CARF: variants seen among roughly 807,000 people sequenced by gnomAD.
CARF encodes the protein calcium-responsive transcription factor.
CARF carries 57 observed loss-of-function variants against 82.0 expected under a neutral mutation model. The ratio of observed to expected loss-of-function variants is 0.70; its 90% confidence interval spans 0.56 to 0.87. The LOEUF is 0.87. CARF is among the 40% of genes least tolerant of loss of function. The pLI, the probability that CARF is intolerant of heterozygous loss-of-function variation, is 0.00. For missense variants in CARF, 771 were observed against 855.8 expected (o/e 0.90, Z 1.24); for synonymous variants, 268 against 290.1 (o/e 0.92, Z 0.77).
chr2:202,955,445 A>C (rs2058990918), intron 7 of CARF, among the ~76,000 whole-genome samples: 3 of 152,248 alleles, frequency 2.0e-5, no homozygotes, highest in African/African-American at 7.2e-5. Flanking sequence ...TGTTGGGACT[A>C]CGTGTATCTG....
chr2:202,963,536 G>T (rs1473435557), intron 9 of CARF, among the ~76,000 whole-genome samples: 1 of 152,188 alleles, frequency 6.6e-6, no homozygotes, highest in Non-Finnish European at 1.5e-5. Flanking sequence ...GGACCAGGAT[G>T]GGGGATGGGG....
intron 3 of CARF, among the ~76,000 whole-genome samples, chr2:202,932,066 T>C (rs773212177): frequency 6.6e-6 from 1 of 152,046 alleles, no homozygotes; most frequent in Non-Finnish European, 1.5e-5. Flanking sequence ...AACCAGCATT[T>C]CACATGGCAG....
Position 202,952,542 on chromosome 2 carries a change from T to TC in CARF, c.307-17_307-16insC. On this transcript the variant is annotated splice_polypyrimidine_tract_variant and intron_variant, in intron 5 of 16. Coordinates refer to ENST00000438828, the MANE Select transcript of CARF (RefSeq NM_024744.17). Reference sequence around the variant, plus strand: ...CTAGGCATATGCATTTGATTTTTTTTTTTTAATGCTTCCAAGATGATCGTT... The same window carrying TC: ...CTAGGCATATGCATTTGATTTTTTTTCTTTTAATGCTTCCAAGATGATCGTT... 6.2e-7 allele frequency: 1 copy of TC among 1,610,976 alleles called. No individual in the cohort carries two copies. The highest frequency in any genetic ancestry group is 8.5e-7 in the Non-Finnish European group (1 of 1,179,024).
At chr2:202,971,412 A>C (rs1204982273) in intron 11 of CARF, 93 bp from the exon 12 acceptor site, 2 of 675,262 alleles carry the variant, frequency 3.0e-6, no homozygotes, top group Non-Finnish European at 4.8e-6. Context: ...TATGAGTATT[A>C]ACCTAAGTAA....
chr2:202,982,334 T>C lies in CARF; in HGVS notation c.1952T>C (p.Val651Ala), dbSNP rs1198336970. 8.7e-6 allele frequency: 14 copies of C among 1,613,996 alleles called. No individual in the cohort carries two copies. Among genetic ancestry groups the C allele is most frequent in the Non-Finnish European group, 1.2e-5 (14 of 1,180,000 alleles). Reference sequence around the variant, plus strand: ...GTTGCAATGGACGAGCTGGTAGAAGTTGGAGATGTTGAGGATACAGGGAAT... The same window carrying C: ...GTTGCAATGGACGAGCTGGTAGAAGCTGGAGATGTTGAGGATACAGGGAAT... ...NLVAMDELVE[V>A]GDVEDTGNLE... The change falls in exon 16 of 17, where the codon GTT becomes GCT. Residue 651 changes from valine (V) to alanine (A), a missense_variant. Coordinates refer to ENST00000438828, the MANE Select transcript of CARF (RefSeq NM_024744.17).
At position 202,966,961 on chromosome 2, in the gene CARF, T is replaced by A. The variant is rs749178820; in HGVS notation, c.833-17T>A. The stretch of plus-strand genomic sequence containing the variant: ...TGGACACTTGAATTAATATCAATAG[T>A]TGGTTTTGGCCCACAGGGAGTAGAG... On this transcript the variant is annotated splice_polypyrimidine_tract_variant and intron_variant, in intron 9 of 16. Coordinates refer to ENST00000438828, the MANE Select transcript of CARF (RefSeq NM_024744.17). 6.6e-5 allele frequency: 106 copies of A among 1,610,472 alleles called. No individual in the cohort carries two copies. Among genetic ancestry groups the A allele is most frequent in the Non-Finnish European group, 8.6e-5 (101 of 1,178,898 alleles).
intron 3 of CARF, among the ~76,000 whole-genome samples, chr2:202,928,681 C>T (rs1574508379): frequency 6.6e-6 from 1 of 152,156 alleles, no homozygotes; most frequent in African/African-American, 2.4e-5. Context: ...GATGATAGCT[C>T]ATTGTGATTT....
chr2:202,924,099 C>T (rs1387700228), intron 2 of CARF, among the ~76,000 whole-genome samples, 198 bp from the exon 3 acceptor site: 2 of 152,168 alleles, frequency 1.3e-5, no homozygotes, highest in East Asian at 1.9e-4. Context: ...GAAGTTGTAT[C>T]GTCAAACATC....
intron 9 of CARF, among the ~76,000 whole-genome samples, chr2:202,965,921 A>G (rs555095685): frequency 7.3e-4 from 111 of 152,280 alleles, no homozygotes; most frequent in African/African-American, 2.6e-3. Context: ...TGAGTCAGGA[A>G]TCCAAGAGTG....
intron 9 of CARF, among the ~76,000 whole-genome samples, chr2:202,964,343 G>A (rs1410508147): frequency 6.6e-6 from 1 of 152,052 alleles, no homozygotes; most frequent in Non-Finnish European, 1.5e-5. Flanking sequence ...ACAGTGGTGT[G>A]ATCTCAGCTC....
At chr2:202,936,714 T>G (rs1015877857) in intron 3 of CARF, among the ~76,000 whole-genome samples, 3 of 152,236 alleles carry the variant, frequency 2.0e-5, no homozygotes, top group Admixed American at 2.0e-4. Context: ...CAGACCCTTA[T>G]CAGATACATG....
At chr2:202,951,979 C>T (rs936416243) in intron 5 of CARF, among the ~76,000 whole-genome samples, 2 of 152,060 alleles carry the variant, frequency 1.3e-5, no homozygotes, top group South Asian at 2.1e-4. Context: ...ATTACAGGCG[C>T]GTGCCACCAT....
chr2:202,977,170 T>C (rs2060068404), intron 13 of CARF, 99 bp from the exon 14 acceptor site: 1 of 864,746 alleles, frequency 1.2e-6, no homozygotes, highest in African/African-American at 1.7e-5. Context: ...GCAGAATAAA[T>C]CACATACTGT....
chr2:202,981,551 T>A lies in CARF; in HGVS notation c.1559-4T>A. The A allele has an allele frequency of 6.4e-7, 1 of 1,574,274 alleles. No individual in the cohort carries two copies. Among genetic ancestry groups the A allele is most frequent in the East Asian group, 2.3e-5 (1 of 44,200 alleles). On this transcript the variant is annotated splice_region_variant and splice_polypyrimidine_tract_variant and intron_variant, in intron 14 of 16. Transcript: ENST00000438828. ...ATTTTAATAGTTTCTTTAATATAAT[T>A]TAGGAAATTCACCAGGAGAATCAAT...
Position 202,952,550 on chromosome 2 carries a change from G to A in CARF, c.307-9G>A. On this transcript the variant is annotated splice_polypyrimidine_tract_variant and intron_variant, in intron 5 of 16. Transcript: ENST00000438828. The stretch of plus-strand genomic sequence containing the variant: ...ATGCATTTGATTTTTTTTTTTTAAT[G>A]CTTCCAAGATGATCGTTGCCAGCCC... 6.3e-7 allele frequency: 1 copy of A among 1,592,454 alleles called. No homozygotes were observed. The highest frequency in any genetic ancestry group is 8.5e-7 in the Non-Finnish European group (1 of 1,172,146).
intron 9 of CARF, 160 bp downstream of exon 9, chr2:202,961,586 TAATC>T: frequency 1.6e-6 from 1 of 619,750 alleles, no homozygotes; most frequent in Non-Finnish European, 2.8e-6. Flanking sequence ...ATAGAAAATA[TAATC>T]AATTACTTTA....
chr2:202,915,859 T>G (rs1689538081), intron 1 of CARF, among the ~76,000 whole-genome samples: 3 of 149,912 alleles, frequency 2.0e-5, no homozygotes, highest in African/African-American at 7.4e-5. Flanking sequence ...CCGCCCACTT[T>G]AGACTCCCAA....
intron 5 of CARF, among the ~76,000 whole-genome samples, chr2:202,951,918 T>G (rs531415468): frequency 6.6e-6 from 1 of 151,830 alleles, no homozygotes. Context: ...CTGCAACCTC[T>G]GCCTCCCAGA....
chr2:202,945,006 C>T (rs1463096004), intron 5 of CARF, among the ~76,000 whole-genome samples: 1 of 151,860 alleles, frequency 6.6e-6, no homozygotes. Context: ...TATTTGAAAC[C>T]ATGAAATAGG....
Sources: gnomAD v4.1 joint callset for allele counts (sites outside exome capture counted in the v4.1 genomes callset) on GRCh38, gnomAD v4.1.1 for gene constraint, MANE v1.5 for transcripts, NCBI Gene and HGNC (gene_info 2026-07-23, HGNC 2026-07-21) for gene names.